The following NSUN7 variants were observed in gnomAD, a reference collection of about 807,000 sequenced individuals.
NSUN7 encodes protein NSUN7.
NSUN7 carries 39 observed loss-of-function variants against 58.5 expected under a neutral mutation model. The ratio of observed to expected loss-of-function variants is 0.67; its 90% CI spans 0.52 to 0.87. The LOEUF is 0.87. Among genes scored for constraint, NSUN7 ranks in the 40% least tolerant of loss-of-function variants. The pLI, the probability that NSUN7 is intolerant of heterozygous loss-of-function variation, is 0.00. For synonymous variants in NSUN7, 278 were observed against 303.7 expected, an observed-to-expected ratio of 0.92 and a Z score of 0.88; for missense variants, 765 against 844.1, an observed-to-expected ratio of 0.91 and a Z score of 1.16.
chr4:40,776,760 C>G (rs1190628052), intron 7 of NSUN7, among the ~76,000 whole-genome samples: 1 of 151,960 alleles, frequency 6.6e-6, no homozygotes, highest in Non-Finnish European at 1.5e-5. Context: ...TGACTACAGG[C>G]TCATGCCACT....
intron 8 of NSUN7, 66 bp downstream of exon 8, chr4:40,790,811 T>G (rs1400465046): frequency 1.7e-6 from 2 of 1,195,898 alleles, no homozygotes; most frequent in Non-Finnish European, 2.3e-6. Flanking sequence ...TTATTTAAAA[T>G]CATTAAAATA....
chr4:40,783,944 C>T (rs188075724), intron 7 of NSUN7, among the ~76,000 whole-genome samples: 1 of 151,664 alleles, frequency 6.6e-6, no homozygotes, highest in East Asian at 1.9e-4. Context: ...AACAACTCAA[C>T]AATAAAAAGA....
At position 40,750,802 on chromosome 4, in the gene NSUN7, C is replaced by T. The variant is rs926579802; in HGVS notation, c.109C>T (p.Pro37Ser). The change falls in exon 2 of 12, where the codon CCC becomes TCC. Residue 37 changes from proline (P) to serine (S), a missense_variant. Pro to Ser is a moderately conservative substitution (Grantham distance 74). Coordinates refer to ENST00000381782, the MANE Select transcript of NSUN7 (RefSeq NM_024677.6). ...LSGGKSSAGV[P>S]EKTGYPDSVY... ...CGGTGGGAAAAGCTCAGCTGGTGTG[C>T]CCGAAAAAACGGGCTATCCGGACTC... 2.5e-6 allele frequency: 4 copies of T among 1,614,172 alleles called. No individual in the cohort carries two copies. Among genetic ancestry groups the T allele is most frequent in the Non-Finnish European group, 3.4e-6 (4 of 1,180,032 alleles).
rs183131481 is a variant in NSUN7 at position 40,790,925 on chromosome 4, A to G, written c.1180+180A>G. The stretch of plus-strand genomic sequence containing the variant: ...GTTACCTCATTTAATCCTTACACCA[A>G]TCCAATAGACCAGGGTGATATTCAA... On this transcript the variant is annotated intron_variant, in intron 8 of 11. Transcript: ENST00000381782. Among the ~76,000 whole-genome samples, 16 of 152,312 alleles carry G rather than the reference A, an allele frequency of 1.1e-4. No homozygotes were observed. The East Asian group carries it at 3.1e-3, about 29-fold the overall frequency.
chr4:40,774,617 T>C (rs1192113451), intron 5 of NSUN7, 150 bp from the exon 6 acceptor site: 2 of 696,780 alleles, frequency 2.9e-6, no homozygotes, highest in African/African-American at 3.6e-5. Context: ...TATAATTATC[T>C]TTTAGTTTAT....
chr4:40,761,409 A>G (rs1327437693), intron 4 of NSUN7, 108 bp downstream of exon 4: 1 of 816,726 alleles, frequency 1.2e-6, no homozygotes, highest in African/African-American at 1.8e-5. Flanking sequence ...TTTTATAGGG[A>G]AAAATATAAA....
intron 7 of NSUN7, among the ~76,000 whole-genome samples, chr4:40,785,484 CAAGT>C (rs1244600556): frequency 6.6e-6 from 1 of 152,156 alleles, no homozygotes; most frequent in Admixed American, 6.5e-5. Context: ...CTCAGCCTCC[CAAGT>C]AGTTGGGATT....
chr4:40,757,609 C>T (rs1741210007), intron 2 of NSUN7, among the ~76,000 whole-genome samples: 1 of 137,284 alleles, frequency 7.3e-6, no homozygotes, highest in Non-Finnish European at 1.6e-5. Context: ...TATATATATA[C>T]ATTGTGTGTA....
chr4:40,793,978 T>C (rs1429806641), intron 8 of NSUN7, among the ~76,000 whole-genome samples: 2 of 152,218 alleles, frequency 1.3e-5, no homozygotes, highest in Non-Finnish European at 2.9e-5. Flanking sequence ...CATATCCTTG[T>C]GTGTTCCCAG....
intron 4 of NSUN7, among the ~76,000 whole-genome samples, chr4:40,762,349 T>C (rs1480402837): frequency 6.6e-6 from 1 of 152,192 alleles, no homozygotes; most frequent in Non-Finnish European, 1.5e-5. Context: ...TGTAGGAAGA[T>C]TTTGGCTTAG....
chr4:40,802,869 A>G (rs539545975), intron 10 of NSUN7, among the ~76,000 whole-genome samples: 34 of 148,408 alleles, frequency 2.3e-4, no homozygotes, highest in Admixed American at 4.8e-4. Flanking sequence ...TACATGTGCC[A>G]TGCTGGTGTG....
At chr4:40,798,731 T>G in intron 9 of NSUN7, 56 bp from the exon 10 acceptor site, 1 of 971,236 alleles carries the variant, frequency 1.0e-6, no homozygotes, top group Non-Finnish European at 1.6e-6. Context: ...ACATAGCACA[T>G]TTGTATAGGA....
chr4:40,752,621 G>A (rs762384556), intron 2 of NSUN7, among the ~76,000 whole-genome samples: 34 of 151,976 alleles, frequency 2.2e-4, no homozygotes, highest in Non-Finnish European at 3.4e-4. Context: ...GGGGTTTCAC[G>A]GTGTTAGCCA....
intron 8 of NSUN7, among the ~76,000 whole-genome samples, chr4:40,792,061 CAG>C (rs1743093520): frequency 6.6e-6 from 1 of 152,090 alleles, no homozygotes; most frequent in Non-Finnish European, 1.5e-5. Context: ...AATTTCTTTC[CAG>C]AGAGACTTCA....
rs1744116954 is a variant in NSUN7 at position 40,810,054 on chromosome 4, T to A, written c.*1115T>A. 6.6e-6 allele frequency: 1 copy of A among 152,218 alleles called. No individual in the cohort carries two copies. The highest frequency in any genetic ancestry group is 1.5e-5 in the Non-Finnish European group (1 of 68,042). 9.4% of individuals were successfully genotyped at this position (152,218 alleles called of 1,614,324 possible). On this transcript the variant is annotated 3_prime_UTR_variant, in exon 12 of 12. Coordinates refer to ENST00000381782, the MANE Select transcript of NSUN7 (RefSeq NM_024677.6). Reference sequence around the variant, plus strand: ...AAGTTTGAATTTAAAGTTTTATTTTTGCAATTCAGTTGTATAGAAATGTTA... The same window carrying A: ...AAGTTTGAATTTAAAGTTTTATTTTAGCAATTCAGTTGTATAGAAATGTTA...
chr4:40,773,462 C>T (rs966193460), intron 4 of NSUN7, among the ~76,000 whole-genome samples: 8 of 152,014 alleles, frequency 5.3e-5, no homozygotes, highest in Non-Finnish European at 1.0e-4. Flanking sequence ...GCGGGCGGAT[C>T]ACTTGAGGTC....
intron 7 of NSUN7, chr4:40,786,365 T>C: frequency 6.2e-7 from 1 of 1,612,062 alleles, no homozygotes; most frequent in Non-Finnish European, 8.5e-7. Context: ...TTAAGGCCAC[T>C]GTGGAAGTCA....
In NSUN7 at chr4:40,792,637, G is replaced by C. The variant is rs549818589; in HGVS notation, c.1181-1738G>C. ...GAGGTGGCGGGCGCCTGTAGTCCCA[G>C]CTACTCGGGAGGCTGAGGCAGGAGA... On this transcript the variant is annotated intron_variant, in intron 8 of 11. Transcript: ENST00000381782. Among the ~76,000 whole-genome samples, 84 of 152,282 alleles carry C rather than the reference G, an allele frequency of 5.5e-4. No individual in the cohort carries two copies. The East Asian group carries it at 0.015, about 27-fold the overall frequency.
intron 2 of NSUN7, among the ~76,000 whole-genome samples, chr4:40,759,639 CTCA>C (rs946916792): frequency 2.6e-5 from 4 of 152,212 alleles, no homozygotes; most frequent in Non-Finnish European, 5.9e-5. Flanking sequence ...ACAGTTTCCA[CTCA>C]TCAGCTGCAA....
Sources: allele counts gnomAD v4.1 joint callset (sites outside exome capture counted in the v4.1 genomes callset), GRCh38; gene constraint gnomAD v4.1.1; transcripts MANE v1.5; gene names NCBI Gene and HGNC (gene_info 2026-07-23, HGNC 2026-07-21).